Variants in NAB1 observed in about 807,000 individuals in gnomAD.
NAB1 encodes NGFI-A binding protein 1.
Under a neutral mutation model 49.9 loss-of-function variants are expected in NAB1, and 25 were observed. That is an observed-to-expected ratio of 0.50 (90% CI 0.37 to 0.70). The LOEUF (loss-of-function observed/expected upper bound fraction) is 0.70. Ranked by LOEUF, NAB1 falls within the 30% of genes least tolerant of loss-of-function variation. The pLI is 0.00. For synonymous variants in NAB1, 198 were observed against 215.6 expected (o/e 0.92, Z 0.71); for missense variants, 489 against 575.9 (o/e 0.85, Z 1.54).
chr2:190,670,647 T>C lies in NAB1; in HGVS notation c.953+188T>C, dbSNP rs1319388773. On this transcript the variant is annotated intron_variant, in intron 5 of 9. Coordinates refer to ENST00000337386, the MANE Select transcript of NAB1 (RefSeq NM_005966.4). The surrounding 1 kb of genome is among the most constrained non-coding windows in gnomAD (Gnocchi z 5.3). ...ATTTTTGTTGTTTAATTCTCACTGT[T>C]CTCTTTTGAAAGGCATCATTCTCTA... Among the ~76,000 whole-genome samples, 1 of 152,236 alleles carries C rather than the reference T, an allele frequency of 6.6e-6. No individual in the cohort carries two copies. Among genetic ancestry groups the C allele is most frequent in the Non-Finnish European group, 1.5e-5 (1 of 68,040 alleles).
chr2:190,681,461 A>G (rs1260852482), intron 6 of NAB1, among the ~76,000 whole-genome samples: 1 of 152,234 alleles, frequency 6.6e-6, no homozygotes, highest in African/African-American at 2.4e-5. Flanking sequence ...GGAATGGCTA[A>G]GAAAAAGGGA....
chr2:190,685,800 A>G lies in NAB1; in HGVS notation c.1258+162A>G. ...GAATTCTTCATTTTTCTAAAAAGAT[A>G]ATTTATCCTGCAAATTTTAATTTGT... On this transcript the variant is annotated intron_variant, in intron 8 of 9. Coordinates refer to ENST00000337386, the MANE Select transcript of NAB1 (RefSeq NM_005966.4). The surrounding 1 kb of genome is among the most constrained non-coding windows in gnomAD (Gnocchi z 4.5). 1 of 619,318 alleles carries G rather than the reference A, an allele frequency of 1.6e-6. No homozygotes were observed. Among genetic ancestry groups the G allele is most frequent in the Non-Finnish European group, 2.4e-6 (1 of 416,968 alleles). 38.4% of individuals were successfully genotyped at this position (619,318 alleles called of 1,614,324 possible).
rs967031415 is a variant in NAB1, at chr2:190,667,460, T to C, written c.820-2866T>C. On this transcript the variant is annotated intron_variant, in intron 4 of 9. Coordinates refer to ENST00000337386, the MANE Select transcript of NAB1 (RefSeq NM_005966.4). This position sits in a 1 kb window ranked among gnomAD's most constrained non-coding sequence, Gnocchi z 4.4. ...TGCTGAAACTGATTTATTTTGAATA[T>C]CATTATTTAAAGTATACATTTCACT... is the stretch of plus-strand genomic sequence containing the variant. 6.6e-6 allele frequency among the ~76,000 whole-genome samples: 1 copy of C among 152,250 alleles called. No homozygotes were observed. Among genetic ancestry groups the C allele is most frequent in the African/African-American group, 2.4e-5 (1 of 41,462 alleles).
At chr2:190,655,575 G>A (rs1182515848) in intron 2 of NAB1, among the ~76,000 whole-genome samples, 1 of 152,144 alleles carries the variant, frequency 6.6e-6, no homozygotes, top group Non-Finnish European at 1.5e-5. Flanking sequence ...TGAGAGAGAG[G>A]CCCAGAGTTT....
At chr2:190,660,021 G>A in intron 4 of NAB1, 26 bp downstream of exon 4, 3 of 1,575,320 alleles carry the variant, frequency 1.9e-6, no homozygotes, top group South Asian at 2.3e-5. Context: ...TGTTCCTTCT[G>A]TGTGTGTATG....
Position 190,679,981 on chromosome 2 carries a change from C to G in NAB1, c.1006-3757C>G, listed in dbSNP as rs1416220306. On this transcript the variant is annotated intron_variant, in intron 6 of 9. Transcript: ENST00000337386. The surrounding 1 kb of genome is among the most constrained non-coding windows in gnomAD (Gnocchi z 5.3). ...GAGCTCAACCGAATTCATCAGTGTT[C>G]TGGCCCCTCCCAGACCTCGTGATCT... 6.6e-6 allele frequency among the ~76,000 whole-genome samples: 1 copy of G among 152,204 alleles called. No homozygotes were observed. Among genetic ancestry groups the G allele is most frequent in the Admixed American group, 6.5e-5 (1 of 15,268 alleles).
intron 2 of NAB1, among the ~76,000 whole-genome samples, chr2:190,655,472 A>G (rs147691009): frequency 7.5e-4 from 114 of 152,344 alleles, no homozygotes; most frequent in African/African-American, 2.5e-3. Flanking sequence ...CTTAGAATAT[A>G]ATAGGTGAAA....
chr2:190,653,142 T>C (rs780815933), intron 2 of NAB1, among the ~76,000 whole-genome samples: 2 of 152,190 alleles, frequency 1.3e-5, no homozygotes, highest in Non-Finnish European at 2.9e-5. Flanking sequence ...TGTTTCAGCC[T>C]CTCGTGTACC....
In NAB1 at chr2:190,670,342, C is replaced by A; in HGVS notation, c.836C>A (p.Ala279Glu). Residue 279 changes from alanine (A) to glutamate (E), a missense_variant, in exon 5 of 10, where the codon GCG (alanine) becomes GAG (glutamate). Ala to Glu is a moderately radical substitution (Grantham distance 107, BLOSUM62 -1). Transcript: ENST00000337386. The surrounding 1 kb of genome is among the most constrained non-coding windows in gnomAD (Gnocchi z 5.3). ...LTLHELTVNE[A>E]AAQLCVKDNA... ...GATATCCAGCTCACTGTTAATGAAGCGGCTGCTCAACTCTGTGTGAAGGAT... is the reference window on the plus strand; with the variant it reads ...GATATCCAGCTCACTGTTAATGAAGAGGCTGCTCAACTCTGTGTGAAGGAT... The A allele has an allele frequency of 6.2e-7, 1 of 1,611,052 alleles. No individual in the cohort carries two copies. The highest frequency in any genetic ancestry group is 8.5e-7 in the Non-Finnish European group (1 of 1,179,038).
At chr2:190,673,327 GTAATTT>G in intron 6 of NAB1, 175 bp downstream of exon 6, 1 of 653,928 alleles carries the variant, frequency 1.5e-6, no homozygotes, top group South Asian at 1.8e-5. Context: ...AATATTTACA[GTAATTT>G]GAATTAGCAG....
chr2:190,665,147 T>C (rs62179690), intron 4 of NAB1, among the ~76,000 whole-genome samples: 33,553 of 152,050 alleles, frequency 0.22, 3,806 homozygotes, highest in Non-Finnish European at 0.25. Context: ...GGTTTTCCCT[T>C]AGTAATTAAA....
intron 9 of NAB1, 78 bp downstream of exon 9, chr2:190,687,395 CAAAAAAAAAA>C (rs60742412): frequency 3.0e-4 from 49 of 162,020 alleles, no homozygotes; most frequent in Middle Eastern, 1.4e-3. Context: ...CCTCCCCCAT[CAAAAAAAAAA>C]AAAAAAAAAA....
At position 190,659,847 on chromosome 2, in the gene NAB1, C is replaced by T. The variant is rs1417058448; in HGVS notation, c.671C>T (p.Thr224Ile). ...DLNEVKELLKTNKKLAKMIGH... is the reference protein window; with the variant it reads ...DLNEVKELLKINKKLAKMIGH... Reference sequence around the variant, plus strand: ...AATGAAGTGAAAGAGCTGCTAAAAACCAACAAGAAGTTGGCCAAAATGATT... The same window carrying T: ...AATGAAGTGAAAGAGCTGCTAAAAATCAACAAGAAGTTGGCCAAAATGATT... Residue 224 changes from threonine (T) to isoleucine (I), a missense_variant, in exon 4 of 10, where the codon ACC (threonine) becomes ATC (isoleucine). Thr to Ile is a moderately conservative substitution (Grantham distance 89). Transcript: ENST00000337386. The surrounding 1 kb of genome is among the most constrained non-coding windows in gnomAD (Gnocchi z 6.2). 1.2e-5 allele frequency: 20 copies of T among 1,614,052 alleles called. No individual in the cohort carries two copies. The highest frequency in any genetic ancestry group is 1.7e-5 in the Non-Finnish European group (20 of 1,180,030).
chr2:190,673,491 C>T (rs1291424510), intron 6 of NAB1, among the ~76,000 whole-genome samples: 1 of 152,126 alleles, frequency 6.6e-6, no homozygotes, highest in Non-Finnish European at 1.5e-5. Context: ...TGTGAACCAC[C>T]ATGCCTAGTC....
intron 3 of NAB1, among the ~76,000 whole-genome samples, chr2:190,656,848 AT>A (rs2125588595): frequency 6.6e-6 from 1 of 152,192 alleles, no homozygotes; most frequent in South Asian, 2.1e-4. Context: ...TCCTCATGTA[AT>A]CTCTGCTCTA....
At position 190,652,418 on chromosome 2, in the gene NAB1, A is replaced by G. The variant is rs1693715106; in HGVS notation, c.-197+2436A>G. Among the ~76,000 whole-genome samples the G allele has an allele frequency of 1.3e-5, 2 of 152,180 alleles. No individual in the cohort carries two copies. The highest frequency in any genetic ancestry group is 1.3e-4 in the Admixed American group (2 of 15,278). On this transcript the variant is annotated intron_variant, in intron 2 of 9. Coordinates refer to ENST00000337386, the MANE Select transcript of NAB1 (RefSeq NM_005966.4). This position sits in a 1 kb window ranked among gnomAD's most constrained non-coding sequence, Gnocchi z 4.2. ...TCCAGCCATTGTACGAAATGCTAGT[A>G]TTTGCCTATTGTTACTATAGTTAAA...
rs1694956938 is a variant in NAB1 at position 190,674,104 on chromosome 2, G to C, written c.1005+952G>C. 6.6e-6 allele frequency among the ~76,000 whole-genome samples: 1 copy of C among 152,146 alleles called. No homozygotes were observed. ...ATCCTTTATTCATATCAAAGCCAGA[G>C]TTATCTTATAAAAACATAAATCCCT... On this transcript the variant is annotated intron_variant, in intron 6 of 9. Transcript: ENST00000337386. This position sits in a 1 kb window ranked among gnomAD's most constrained non-coding sequence, Gnocchi z 5.7.
In NAB1 at chr2:190,674,595, G is replaced by A. The variant is rs908614923; in HGVS notation, c.1005+1443G>A. On this transcript the variant is annotated intron_variant, in intron 6 of 9. Coordinates refer to ENST00000337386, the MANE Select transcript of NAB1 (RefSeq NM_005966.4). The surrounding 1 kb of genome is among the most constrained non-coding windows in gnomAD (Gnocchi z 5.7). ...CTGTGAATCTGCTGCTGTATACTTA[G>A]AGTTTGTAACAGCCTTGCACCTAAT... Among the ~76,000 whole-genome samples, 1 of 152,202 alleles carries A rather than the reference G, an allele frequency of 6.6e-6. No individual in the cohort carries two copies. The highest frequency in any genetic ancestry group is 1.5e-5 in the Non-Finnish European group (1 of 68,038).
rs1375834081 is a variant in NAB1 at position 190,670,681 on chromosome 2, A to G, written c.953+222A>G. Among the ~76,000 whole-genome samples the G allele has an allele frequency of 6.6e-6, 1 of 152,172 alleles. No homozygotes were observed. Among genetic ancestry groups the G allele is most frequent in the Non-Finnish European group, 1.5e-5 (1 of 68,018 alleles). ...AAAGGCATCATTCTCTAGTTACTAT[A>G]GCATTGTTCTGGTAGTGGTTTTAAA... On this transcript the variant is annotated intron_variant, in intron 5 of 9. Transcript: ENST00000337386. This position sits in a 1 kb window ranked among gnomAD's most constrained non-coding sequence, Gnocchi z 5.3.
Sources: gnomAD v4.1 joint callset for allele counts (sites outside exome capture counted in the v4.1 genomes callset) on GRCh38, gnomAD v4.1.1 for gene constraint, Gnocchi (gnomAD v3.1) non-coding constraint, MANE v1.5 for transcripts, NCBI Gene and HGNC (gene_info 2026-07-23, HGNC 2026-07-21) for gene names.